PTK7: variants seen among roughly 807,000 people sequenced by gnomAD.
PTK7 encodes the protein inactive tyrosine-protein kinase 7.
A neutral mutation model predicts 116.6 loss-of-function variants in PTK7; 39 were observed. The observed-to-expected ratio is 0.33, with a 90% confidence interval of 0.26 to 0.44. The LOEUF is 0.44. PTK7 is among the 20% of genes least tolerant of loss of function. The pLI, the probability that PTK7 is intolerant of heterozygous loss-of-function variation, is 1.00. For synonymous variants in PTK7, 546 were observed against 563.6 expected, an observed-to-expected ratio of 0.97 and a Z score of 0.44; for missense variants, 1,169 against 1,425.6, an observed-to-expected ratio of 0.82 and a Z score of 2.90.
rs760912222 is a variant in PTK7, at chr6:43,128,969, A to G, written c.80-8A>G. ...CTGACCCTGCCTCTCCCCTGTTTGC[A>G]TCTACAGGTACCCAGACAGCCATTG... is the stretch of plus-strand genomic sequence containing the variant. On this transcript the variant is annotated splice_region_variant and splice_polypyrimidine_tract_variant and intron_variant, in intron 1 of 19. Coordinates refer to ENST00000230419, the MANE Select transcript of PTK7 (RefSeq NM_002821.5). 2 of 1,597,218 alleles carry G rather than the reference A, an allele frequency of 1.3e-6. No homozygotes were observed. The highest frequency in any genetic ancestry group is 3.4e-5 in the Admixed American group (2 of 59,106).
At chr6:43,077,173 A>G (rs1221064568) in intron 1 of PTK7, among the ~76,000 whole-genome samples, 11 of 152,188 alleles carry the variant, frequency 7.2e-5, no homozygotes, top group Non-Finnish European at 1.3e-4. Flanking sequence ...GCCCCCATCC[A>G]TGGCCTCTAG....
chr6:43,140,281 G>A (rs974078358), intron 10 of PTK7, among the ~76,000 whole-genome samples: 25 of 151,786 alleles, frequency 1.6e-4, no homozygotes, highest in African/African-American at 5.3e-4. Flanking sequence ...GTGAAACCTC[G>A]TCTCTACTGA....
At position 43,143,311 on chromosome 6, in the gene PTK7, G is replaced by A. The variant is rs1444875422; in HGVS notation, c.2048-106G>A. On this transcript the variant is annotated intron_variant, in intron 13 of 19. Transcript: ENST00000230419. The surrounding 1 kb of genome is among the most constrained non-coding windows in gnomAD (Gnocchi z 4.2). ...CCAGTGAAGGTGGTGACCCTCCCGG[G>A]CCATCTGTTAAGTTGCCCTGTTGAT... 8 of 1,133,366 alleles carry A rather than the reference G, an allele frequency of 7.1e-6. No individual in the cohort carries two copies. Among genetic ancestry groups the A allele is most frequent in the Non-Finnish European group, 1.0e-5 (8 of 788,790 alleles). 70.2% of individuals were successfully genotyped at this position (1,133,366 alleles called of 1,614,324 possible). A position where few individuals can be genotyped will look rare whatever the true frequency, so the allele number is the denominator to read the frequency against.
At chr6:43,096,376 TGAA>T (rs1767252349) in intron 1 of PTK7, among the ~76,000 whole-genome samples, 1 of 150,764 alleles carries the variant, frequency 6.6e-6, no homozygotes, top group Non-Finnish European at 1.5e-5. Flanking sequence ...TTGCAGTTGG[TGAA>T]GGAGGACCGG....
At chr6:43,130,082 G>C (rs1174407841) in intron 3 of PTK7, 148 bp from the exon 4 acceptor site, 8 of 867,100 alleles carry the variant, frequency 9.2e-6, no homozygotes, top group Non-Finnish European at 1.4e-5. Context: ...CAGAATTACT[G>C]TGTGCCCTTT....
intron 1 of PTK7, among the ~76,000 whole-genome samples, chr6:43,079,796 C>A (rs1052215132): frequency 1.5e-4 from 22 of 151,700 alleles, no homozygotes; most frequent in African/African-American, 5.3e-4. Context: ...GCCAGGTTTA[C>A]GCCTGTTATC....
At chr6:43,084,885 G>A (rs570322330) in intron 1 of PTK7, among the ~76,000 whole-genome samples, 1 of 152,170 alleles carries the variant, frequency 6.6e-6, no homozygotes, top group Non-Finnish European at 1.5e-5. Context: ...AGTCAGTGAC[G>A]GCCTCAGAAT....
intron 1 of PTK7, among the ~76,000 whole-genome samples, chr6:43,105,913 T>C (rs79643612): frequency 0.022 from 3,360 of 152,286 alleles, 54 homozygotes; most frequent in Non-Finnish European, 0.034. Context: ...AGCCACCCAG[T>C]TGTGGTAATT....
intron 1 of PTK7, among the ~76,000 whole-genome samples, chr6:43,120,652 A>G (rs1768904215): frequency 6.6e-6 from 1 of 152,098 alleles, no homozygotes; most frequent in African/African-American, 2.4e-5. Flanking sequence ...ATTCTGGGGA[A>G]TGGGCCCCCG....
At chr6:43,097,745 G>T (rs1767340540) in intron 1 of PTK7, among the ~76,000 whole-genome samples, 1 of 152,222 alleles carries the variant, frequency 6.6e-6, no homozygotes, top group South Asian at 2.1e-4. Flanking sequence ...GTAACTGGCA[G>T]TGTGGGAGCC....
rs1582180328 is a variant in PTK7 at position 43,139,322 on chromosome 6, A to G, written c.1498+51A>G. 1 of 1,613,982 alleles carries G rather than the reference A, an allele frequency of 6.2e-7. No homozygotes were observed. Among genetic ancestry groups the G allele is most frequent in the Non-Finnish European group, 8.5e-7 (1 of 1,179,884 alleles). Reference sequence around the variant, plus strand: ...ACCCTTCCTGGCTAGGCAGGAGAGGAAAGGGGAGGGAGCAGCAGGCCTGGC... The same window carrying G: ...ACCCTTCCTGGCTAGGCAGGAGAGGGAAGGGGAGGGAGCAGCAGGCCTGGC... On this transcript the variant is annotated intron_variant, in intron 9 of 19. Coordinates refer to ENST00000230419, the MANE Select transcript of PTK7 (RefSeq NM_002821.5). This position sits in a 1 kb window ranked among gnomAD's most constrained non-coding sequence, Gnocchi z 4.6.
In PTK7 at chr6:43,139,507, A is replaced by G. The variant is rs1582181015; in HGVS notation, c.1600A>G (p.Ile534Val). The change falls in exon 10 of 20, where the codon ATT (isoleucine) becomes GTT (valine). Residue 534 changes from isoleucine (I) to valine (V), a missense_variant. Physicochemically the swap from Ile to Val is conservative, Grantham distance 29 (BLOSUM62 3). This residue lies in a region of PTK7 where 678 missense variants were observed against 853.8 expected (regional missense o/e 0.79). Coordinates refer to ENST00000230419, the MANE Select transcript of PTK7 (RefSeq NM_002821.5). The surrounding 1 kb of genome is among the most constrained non-coding windows in gnomAD (Gnocchi z 4.6). ...CSATGREKPT[I>V]KWERADGSSL... ...AGCCACAGGCCGAGAGAAGCCCACTATTAAGTGGGAACGGGCAGGTGGGTA... is the reference window on the plus strand; with the variant it reads ...AGCCACAGGCCGAGAGAAGCCCACTGTTAAGTGGGAACGGGCAGGTGGGTA... 1 of 1,614,186 alleles carries G rather than the reference A, an allele frequency of 6.2e-7. No homozygotes were observed. The highest frequency in any genetic ancestry group is 8.5e-7 in the Non-Finnish European group (1 of 1,180,038).
chr6:43,130,760 C>G (rs1432747837), intron 5 of PTK7, 99 bp downstream of exon 5: 1 of 1,456,606 alleles, frequency 6.9e-7, no homozygotes, highest in Non-Finnish European at 9.4e-7. Context: ...CAGATTTGTA[C>G]ATGTATTATT....
Position 43,076,792 on chromosome 6 carries a change from G to T in PTK7, c.79+225G>T, listed in dbSNP as rs1766041952. The T allele has an allele frequency of 2.8e-6, 4 of 1,407,620 alleles. No individual in the cohort carries two copies. The highest frequency in any genetic ancestry group is 1.9e-6 in the Non-Finnish European group (2 of 1,080,888). 87.2% of individuals were successfully genotyped at this position (1,407,620 alleles called of 1,614,324 possible). The stretch of plus-strand genomic sequence containing the variant: ...TCAGGGTACCCCTCCCACTCGCGCC[G>T]CGGGGACGCATTTCCAGCCTCCCTG... On this transcript the variant is annotated intron_variant, in intron 1 of 19. Coordinates refer to ENST00000230419, the MANE Select transcript of PTK7 (RefSeq NM_002821.5). This position sits in a 1 kb window ranked among gnomAD's most constrained non-coding sequence, Gnocchi z 5.7.
chr6:43,120,628 G>A (rs777492626), intron 1 of PTK7, among the ~76,000 whole-genome samples: 1 of 152,206 alleles, frequency 6.6e-6, no homozygotes, highest in Non-Finnish European at 1.5e-5. Flanking sequence ...CTGTGCGGAT[G>A]GTGAGTGGGG....
At chr6:43,094,291 G>C (rs1767116520) in intron 1 of PTK7, among the ~76,000 whole-genome samples, 1 of 152,130 alleles carries the variant, frequency 6.6e-6, no homozygotes, top group South Asian at 2.1e-4. Flanking sequence ...TGCAGACCCT[G>C]TTCTCCTGCC....
At chr6:43,132,195 G>C in intron 6 of PTK7, 31 bp downstream of exon 6, 1 of 1,573,672 alleles carries the variant, frequency 6.4e-7, no homozygotes, top group Non-Finnish European at 8.6e-7. Flanking sequence ...TGCTGATGTG[G>C]GAGGCTGCCT....
rs1561990329 is a variant in PTK7 at position 43,157,354 on chromosome 6, A to T, written c.2722-1463A>T. On this transcript the variant is annotated intron_variant, in intron 17 of 19. Transcript: ENST00000230419. The stretch of plus-strand genomic sequence containing the variant: ...TATATATATATATATATATATATAT[A>T]TATATATATATTTTTTTTTTTCTTT... Among the ~76,000 whole-genome samples, 37 of 3,714 alleles carry T rather than the reference A, an allele frequency of 1.0e-2. 1 individual carries two copies. The highest frequency in any genetic ancestry group is 0.037 in the East Asian group (3 of 82). 2.4% of individuals were successfully genotyped at this position (3,714 alleles called of 152,430 possible).
At chr6:43,130,746 A>T in intron 5 of PTK7, 85 bp downstream of exon 5, 1 of 1,514,972 alleles carries the variant, frequency 6.6e-7, no homozygotes, top group Non-Finnish European at 9.1e-7. Context: ...TATCACAGAC[A>T]TCACAGATTT....
Sources: allele counts gnomAD v4.1 joint callset (sites outside exome capture counted in the v4.1 genomes callset), GRCh38; gene constraint gnomAD v4.1.1; regional missense constraint gnomAD v4.1.1; non-coding constraint Gnocchi (gnomAD v3.1); transcripts MANE v1.5; gene names NCBI Gene and HGNC (gene_info 2026-07-23, HGNC 2026-07-21).